Variants in ALDH18A1 observed in about 807,000 individuals in gnomAD.
The protein encoded by ALDH18A1 is aldehyde dehydrogenase 18 family member A1, also known as delta-1-pyrroline-5-carboxylate synthase.
A neutral mutation model predicts 88.8 loss-of-function variants in ALDH18A1; 44 were observed. That is an observed-to-expected ratio of 0.50 (90% CI 0.39 to 0.64). The LOEUF is 0.64. Ranked by LOEUF, ALDH18A1 falls within the 30% of genes least tolerant of loss-of-function variation. The pLI is 0.00. For missense variants in ALDH18A1, 782 were observed against 1,009.5 expected (o/e 0.77, Z 3.05); for synonymous variants, 331 against 372.1 (o/e 0.89, Z 1.27).
intron 1 of ALDH18A1, among the ~76,000 whole-genome samples, chr10:95,655,609 C>T (rs1025380190): frequency 2.1e-4 from 21 of 98,508 alleles, no homozygotes; most frequent in Non-Finnish European, 1.7e-4. Flanking sequence ...CCCTGTACCA[C>T]CATCTCTGAC....
intron 3 of ALDH18A1, among the ~76,000 whole-genome samples, chr10:95,640,584 T>C (rs534918126): frequency 6.6e-6 from 1 of 152,184 alleles, no homozygotes; most frequent in Non-Finnish European, 1.5e-5. Context: ...TCAGGTGATC[T>C]GCCCACCTTG....
intron 5 of ALDH18A1, among the ~76,000 whole-genome samples, chr10:95,635,990 T>C (rs2097879888): frequency 6.6e-6 from 1 of 152,148 alleles, no homozygotes; most frequent in Non-Finnish European, 1.5e-5. Flanking sequence ...ATACTGTATT[T>C]ATACTAACAG....
chr10:95,635,594 C>G (rs1193462362), intron 5 of ALDH18A1, among the ~76,000 whole-genome samples: 3 of 152,086 alleles, frequency 2.0e-5, no homozygotes, highest in Non-Finnish European at 2.9e-5. Context: ...AAATAAGGAA[C>G]CACAGGAAAA....
At chr10:95,623,043 A>T (rs1237169397) in intron 11 of ALDH18A1, among the ~76,000 whole-genome samples, 1 of 152,184 alleles carries the variant, frequency 6.6e-6, no homozygotes, top group African/African-American at 2.4e-5. Context: ...AAGATAAAAT[A>T]ATAAAAAGAT....
Position 95,653,423 on chromosome 10 carries a change from T to C in ALDH18A1, c.-28-18A>G, listed in dbSNP as rs775344109. On this transcript the variant is annotated intron_variant, in intron 1 of 17. Transcript: ENST00000371224. ...CAAAGTATCTGCAGAATACATTTTT[T>C]AAAAAGTGAGTAATGAAAAATACTG... 5.0e-6 allele frequency: 8 copies of C among 1,587,794 alleles called. No homozygotes were observed. Among genetic ancestry groups the C allele is most frequent in the Non-Finnish European group, 6.9e-6 (8 of 1,156,476 alleles).
At chr10:95,642,468 T>C (rs1305505159) in intron 3 of ALDH18A1, among the ~76,000 whole-genome samples, 1 of 152,088 alleles carries the variant, frequency 6.6e-6, no homozygotes, top group Non-Finnish European at 1.5e-5. Context: ...TACAAAAATT[T>C]GCTGGGCATA....
chr10:95,635,240 T>C (rs533277638), intron 5 of ALDH18A1, among the ~76,000 whole-genome samples: 3 of 152,260 alleles, frequency 2.0e-5, no homozygotes, highest in Non-Finnish European at 2.9e-5. Context: ...AGGTCCAAAC[T>C]GAACATATAG....
At chr10:95,651,427 G>A (rs547039827) in intron 2 of ALDH18A1, among the ~76,000 whole-genome samples, 1 of 151,084 alleles carries the variant, frequency 6.6e-6, no homozygotes, top group East Asian at 1.9e-4. Context: ...ATAAAACTGT[G>A]TTAGGCCATT....
chr10:95,636,681 G>A (rs1385283116), intron 5 of ALDH18A1, among the ~76,000 whole-genome samples: 1 of 152,136 alleles, frequency 6.6e-6, no homozygotes, highest in African/African-American at 2.4e-5. Flanking sequence ...TGCTATAAAA[G>A]GCAACCAACC....
Position 95,642,856 on chromosome 10 carries a change from G to A in ALDH18A1, c.303+136C>T. 3.1e-6 allele frequency: 3 copies of A among 969,624 alleles called. No individual in the cohort carries two copies. The South Asian group carries it at 4.3e-5, about 14-fold the overall frequency. 60.1% of individuals were successfully genotyped at this position (969,624 alleles called of 1,614,324 possible). A position where few individuals can be genotyped will look rare whatever the true frequency, so the allele number is the denominator to read the frequency against. ...TCACTGGCGTCTACAGTGGGAAACA[G>A]TTTTCACATTGGGTTAAATCTACTG... is the stretch of plus-strand genomic sequence containing the variant. On this transcript the variant is annotated intron_variant, in intron 3 of 17. Coordinates refer to ENST00000371224, the MANE Select transcript of ALDH18A1 (RefSeq NM_002860.4).
chr10:95,622,033 C>T (rs987558937), intron 11 of ALDH18A1, among the ~76,000 whole-genome samples: 4 of 151,856 alleles, frequency 2.6e-5, no homozygotes, highest in Admixed American at 6.6e-5. Context: ...TATGTGTGCA[C>T]GGGAAGAAAT....
intron 11 of ALDH18A1, among the ~76,000 whole-genome samples, chr10:95,622,923 A>G (rs1395684233): frequency 6.6e-6 from 1 of 152,160 alleles, no homozygotes; most frequent in Non-Finnish European, 1.5e-5. Flanking sequence ...ATATATATAC[A>G]TGTATATACT....
intron 6 of ALDH18A1, 123 bp downstream of exon 6, chr10:95,633,368 C>T: frequency 1.6e-6 from 2 of 1,270,110 alleles, no homozygotes; most frequent in South Asian, 2.8e-5. Flanking sequence ...GTCACTGCTC[C>T]ATGACAAGTT....
intron 2 of ALDH18A1, among the ~76,000 whole-genome samples, chr10:95,649,351 ATT>A (rs376825293): frequency 0.015 from 1,987 of 130,970 alleles, 17 homozygotes; most frequent in Middle Eastern, 0.04. Flanking sequence ...ATTTTTACAG[ATT>A]TTTTTTTTTT....
chr10:95,645,243 A>G (rs2097899268), intron 2 of ALDH18A1, among the ~76,000 whole-genome samples: 2 of 152,200 alleles, frequency 1.3e-5, no homozygotes, highest in Admixed American at 6.5e-5. Context: ...AATTCCCTGG[A>G]AAGACTTTTC....
At chr10:95,627,374 A>T in intron 9 of ALDH18A1, 68 bp downstream of exon 9, 1 of 1,582,704 alleles carries the variant, frequency 6.3e-7, no homozygotes. Context: ...CAATTTTGTG[A>T]TCTCTAACTA....
rs201069261 is a variant in ALDH18A1 at position 95,621,245 on chromosome 10, A to T, written c.1253T>A (p.Leu418His). ...KKDLEEAEGR[L>H]AAPLLKRLSL... Reference sequence around the variant, plus strand: ...TAAACGTTTCAGCAGAGGAGCTGCAAGTCTCCCTGAAAAGCCATTAAGAGG... The same window carrying T: ...TAAACGTTTCAGCAGAGGAGCTGCATGTCTCCCTGAAAAGCCATTAAGAGG... The change falls in exon 12 of 18, where the codon CTT becomes CAT. Residue 418 changes from leucine to histidine, a missense_variant. Transcript: ENST00000371224. 241 of 1,612,472 alleles carry T rather than the reference A, an allele frequency of 1.5e-4. 2 individuals are homozygous for T. The highest frequency in any genetic ancestry group is 1.0e-5 in the Non-Finnish European group (12 of 1,179,482).
At chr10:95,631,687 G>A (rs2097869841) in intron 7 of ALDH18A1, among the ~76,000 whole-genome samples, 1 of 143,812 alleles carries the variant, frequency 7.0e-6, no homozygotes. Context: ...AGGTTGCGGT[G>A]AGCCGATATT....
At chr10:95,622,722 A>G (rs529314113) in intron 11 of ALDH18A1, among the ~76,000 whole-genome samples, 1 of 152,182 alleles carries the variant, frequency 6.6e-6, no homozygotes, top group Non-Finnish European at 1.5e-5. Context: ...TATTTTTAGT[A>G]GAGACGGGGT....
Sources: gnomAD v4.1 joint callset for allele counts (sites outside exome capture counted in the v4.1 genomes callset) on GRCh38, gnomAD v4.1.1 for gene constraint, MANE v1.5 for transcripts, NCBI Gene and HGNC (gene_info 2026-07-23, HGNC 2026-07-21) for gene names.